The following NPC1 variants were observed in gnomAD, a reference collection of about 807,000 sequenced individuals.
NPC1 encodes Niemann-Pick C1 protein.
A neutral mutation model predicts 140.4 loss-of-function variants in NPC1; 85 were observed. That is an observed-to-expected ratio of 0.61 (90% CI 0.51 to 0.72). The LOEUF is 0.72. NPC1 is among the 30% of genes least tolerant of loss of function. NPC1 has a pLI of 0.00. For synonymous variants in NPC1, 656 were observed against 624.8 expected, an observed-to-expected ratio of 1.05 and a Z score of -0.74; for missense variants, 1,504 against 1,623.8, an observed-to-expected ratio of 0.93 and a Z score of 1.27.
chr18:23,564,142 A>C (rs1305117485), intron 4 of NPC1, among the ~76,000 whole-genome samples: 3 of 149,152 alleles, frequency 2.0e-5, no homozygotes, highest in Non-Finnish European at 3.0e-5. Flanking sequence ...ACATCACCAC[A>C]CCTGGCTAAT....
At position 23,556,618 on chromosome 18, in the gene NPC1, A is replaced by G. The variant is rs780954665; in HGVS notation, c.956-5T>C. ...GGTCACAGCAGGACGCCTCTCCTGGAAGAACGGGAGAGGAAGGGAAGGTGG... is the reference window on the plus strand; with the variant it reads ...GGTCACAGCAGGACGCCTCTCCTGGGAGAACGGGAGAGGAAGGGAAGGTGG... On this transcript the variant is annotated splice_polypyrimidine_tract_variant and splice_region_variant and intron_variant, in intron 7 of 24. Transcript: ENST00000269228. 6.2e-7 allele frequency: 1 copy of G among 1,613,988 alleles called. No homozygotes were observed. The highest frequency in any genetic ancestry group is 1.7e-5 in the Admixed American group (1 of 59,982).
rs767343173 is a variant in NPC1 at position 23,536,788 on chromosome 18, C to T, written c.3130G>A (p.Val1044Met). 46 of 1,614,048 alleles carry T rather than the reference C, an allele frequency of 2.8e-5. No individual in the cohort carries two copies. Among genetic ancestry groups the T allele is most frequent in the East Asian group, 2.2e-4 (10 of 44,900 alleles). ...GATYFMTYHT[V>M]LQTSADFIDA... ...ATAAAGTCAGCAGAGGTCTGCAGCA[C>T]GGTGTGGTAGGTCATGAAGTACGTG... The change falls in exon 21 of 25, where the codon GTG (valine) becomes ATG (methionine). Residue 1044 changes from valine (V) to methionine (M), a missense_variant. Val to Met is a conservative substitution (Grantham distance 21, BLOSUM62 1). Coordinates refer to ENST00000269228, the MANE Select transcript of NPC1 (RefSeq NM_000271.5).
Position 23,569,009 on chromosome 18 carries a change from AG to A in NPC1, c.288-12del. The A allele has an allele frequency of 1.9e-6, 3 of 1,600,812 alleles. No individual in the cohort carries two copies. Among genetic ancestry groups the A allele is most frequent in the Non-Finnish European group, 2.6e-6 (3 of 1,168,972 alleles). Reference sequence around the variant, plus strand: ...AAACAGGATGGACATCTAAAGGAAAAGTAAATTATATTCTGCATGATCTCAC... The same window carrying A: ...AAACAGGATGGACATCTAAAGGAAAATAAATTATATTCTGCATGATCTCAC... On this transcript the variant is annotated splice_polypyrimidine_tract_variant and intron_variant, in intron 3 of 24. Transcript: ENST00000269228.
downstream of NPC1, among the ~76,000 whole-genome samples, chr18:23,526,419 G>A (rs927627170): frequency 6.6e-6 from 1 of 152,170 alleles, no homozygotes; most frequent in African/African-American, 2.4e-5. Context: ...CCAGGTGTGC[G>A]GTGGTTGGGC....
chr18:23,559,601 T>TGTGA (rs2059007843), intron 6 of NPC1, among the ~76,000 whole-genome samples: 1 of 148,248 alleles, frequency 6.7e-6, no homozygotes, highest in African/African-American at 2.5e-5. Context: ...CCTCCTAAAG[T>TGTGA]GCTGGGATTA....
chr18:23,543,874 C>T (rs1003846106), intron 13 of NPC1, among the ~76,000 whole-genome samples: 5 of 152,278 alleles, frequency 3.3e-5, no homozygotes, highest in African/African-American at 7.2e-5. Flanking sequence ...ACTGAGTCTC[C>T]GCCCACGTCG....
chr18:23,544,368 G>A lies in NPC1; in HGVS notation c.2106C>T (p.Ile702=). The change falls in exon 13 of 25, where the codon ATC becomes ATT. Residue 702 remains isoleucine (I), a synonymous_variant. Transcript: ENST00000269228. ...FLVLAVGVDN[I]FILVQAYQRD... Reference sequence around the variant, plus strand: ...CCTGGTAGGCCTGCACCAGAATGAAGATGTTGTCCACTCCAACAGCCAGCA... The same window carrying A: ...CCTGGTAGGCCTGCACCAGAATGAAAATGTTGTCCACTCCAACAGCCAGCA... 6.2e-7 allele frequency: 1 copy of A among 1,614,166 alleles called. No individual in the cohort carries two copies. The highest frequency in any genetic ancestry group is 8.5e-7 in the Non-Finnish European group (1 of 1,180,028).
At chr18:23,518,874 T>C, downstream of NPC1, 1 of 1,612,482 alleles carries the variant, frequency 6.2e-7, no homozygotes, top group Non-Finnish European at 8.5e-7. Flanking sequence ...TTTATGTCTG[T>C]TTGTTCCCTA....
intron 3 of NPC1, among the ~76,000 whole-genome samples, chr18:23,571,308 A>G (rs568980527): frequency 3.4e-4 from 52 of 151,718 alleles, no homozygotes; most frequent in African/African-American, 1.2e-3. Flanking sequence ...AGGTGGGAGG[A>G]TCATTTGAGA....
intron 3 of NPC1, among the ~76,000 whole-genome samples, chr18:23,571,626 C>G (rs1013486868): frequency 6.7e-6 from 1 of 149,816 alleles, no homozygotes; most frequent in African/African-American, 2.5e-5. Flanking sequence ...TGTACTCCAG[C>G]CTCGGTGACA....
At chr18:23,576,480 C>G in intron 1 of NPC1, 2 of 986,412 alleles carry the variant, frequency 2.0e-6, no homozygotes, top group Middle Eastern at 1.0e-3. Flanking sequence ...CAAAGACTTA[C>G]AAAGCACTGG....
downstream of NPC1, chr18:23,529,350 A>G (rs769271573): frequency 6.4e-7 from 1 of 1,568,900 alleles, no homozygotes; most frequent in Admixed American, 2.0e-5. Context: ...AAAACAAGGA[A>G]GTTGCTGAAA....
chr18:23,552,876 G>A (rs941810360), intron 9 of NPC1, among the ~76,000 whole-genome samples: 1 of 152,208 alleles, frequency 6.6e-6, no homozygotes, highest in South Asian at 2.1e-4. Context: ...GCGAGGGCGA[G>A]GCAGAATTCA....
chr18:23,508,153 T>G, intron 3 of NPC1: 2 of 934,762 alleles, frequency 2.1e-6, no homozygotes, highest in Non-Finnish European at 3.1e-6. Flanking sequence ...AGTCAGACTG[T>G]CCCTCATGTT....
Position 23,570,367 on chromosome 18 carries a change from G to C in NPC1, c.288-1369C>G, listed in dbSNP as rs896199617. 3.9e-5 allele frequency among the ~76,000 whole-genome samples: 6 copies of C among 152,132 alleles called. No individual in the cohort carries two copies. In the East Asian group the frequency reaches 5.8e-4, roughly 15 times the overall value. ...GTATGTCCATAATGCCTCACCTACG[G>C]TGGATCCTAAATAAATGTGTTTTGA... is the stretch of plus-strand genomic sequence containing the variant. On this transcript the variant is annotated intron_variant, in intron 3 of 24. Transcript: ENST00000269228.
downstream of NPC1, chr18:23,529,199 C>A: frequency 1.2e-6 from 2 of 1,613,556 alleles, no homozygotes; most frequent in Non-Finnish European, 1.7e-6. Flanking sequence ...CAGGGCAGAG[C>A]CGAAGCAGCC....
At chr18:23,557,212 A>G (rs753326787) in intron 6 of NPC1, 22 bp from the exon 7 acceptor site, 2 of 1,582,284 alleles carry the variant, frequency 1.3e-6, no homozygotes, top group South Asian at 2.2e-5. Flanking sequence ...AAGTGAAGAA[A>G]TAGCATTAGT....
At chr18:23,569,128 A>C in intron 3 of NPC1, 130 bp from the exon 4 acceptor site, 1 of 695,508 alleles carries the variant, frequency 1.4e-6, no homozygotes, top group South Asian at 1.8e-5. Context: ...CATATTAAAA[A>C]CCAGCAATTC....
chr18:23,525,680 C>G (rs1229196700), downstream of NPC1, among the ~76,000 whole-genome samples: 6 of 152,204 alleles, frequency 3.9e-5, no homozygotes, highest in Non-Finnish European at 2.9e-5. Context: ...ACCTCAGCCT[C>G]CCAAAGTGCT....
Sources: gnomAD v4.1 joint callset for allele counts (sites outside exome capture counted in the v4.1 genomes callset) on GRCh38, gnomAD v4.1.1 for gene constraint, MANE v1.5 for transcripts, NCBI Gene and HGNC (gene_info 2026-07-23, HGNC 2026-07-21) for gene names.